Variants in SAMD12 observed in about 807,000 individuals in gnomAD.
SAMD12 encodes the protein sterile alpha motif domain-containing protein 12.
Under a neutral mutation model 15.0 loss-of-function variants are expected in SAMD12, and 9 were observed. The ratio of observed to expected loss-of-function variants is 0.60; its 90% CI spans 0.36 to 1.05. SAMD12 has a LOEUF of 1.05. Ranked by LOEUF, SAMD12 falls within the 50% of genes least tolerant of loss-of-function variation. The pLI, the probability that SAMD12 is intolerant of heterozygous loss-of-function variation, is 0.01. For missense variants in SAMD12, 230 were observed against 234.2 expected (o/e 0.98, Z 0.12); for synonymous variants, 86 against 90.1 (o/e 0.96, Z 0.25).
intron 4 of SAMD12, among the ~76,000 whole-genome samples, chr8:118,347,784 A>G (rs1817739975): frequency 6.6e-6 from 1 of 152,232 alleles, no homozygotes; most frequent in South Asian, 2.1e-4. Flanking sequence ...CAAACACACT[A>G]GTAATAATAA....
At chr8:118,165,840 G>GT in the SAMD12 span, among the ~76,000 whole-genome samples, 123 of 151,858 alleles carry the variant, frequency 8.1e-4, no homozygotes, top group African/African-American at 2.8e-3. Flanking sequence ...GTTGAGTCCA[G>GT]TTTTTCCCAA....
intron 4 of SAMD12, among the ~76,000 whole-genome samples, chr8:118,368,351 T>C (rs1294257355): frequency 2.0e-5 from 3 of 152,202 alleles, no homozygotes; most frequent in African/African-American, 7.2e-5. Context: ...CCTATTAGGT[T>C]ACTCATCCAA....
chr8:118,273,196 G>A (rs911642016), intron 4 of SAMD12, among the ~76,000 whole-genome samples: 2 of 152,144 alleles, frequency 1.3e-5, no homozygotes, highest in Admixed American at 1.3e-4. Context: ...GGGAAGCAAA[G>A]GGGAAGAAAA....
chr8:118,249,611 A>G (rs931110870), intron 4 of SAMD12, among the ~76,000 whole-genome samples: 1 of 152,146 alleles, frequency 6.6e-6, no homozygotes, highest in African/African-American at 2.4e-5. Context: ...TATATACCCT[A>G]TACAATAGTA....
intron 4 of SAMD12, among the ~76,000 whole-genome samples, chr8:118,340,150 T>C (rs531528873): frequency 6.6e-6 from 1 of 152,350 alleles, no homozygotes; most frequent in Non-Finnish European, 1.5e-5. Context: ...ACAGGCTGTA[T>C]TGCCATGGAA....
At chr8:118,512,104 A>G (rs1375833747) in intron 2 of SAMD12, among the ~76,000 whole-genome samples, 2 of 152,206 alleles carry the variant, frequency 1.3e-5, no homozygotes, top group Non-Finnish European at 2.9e-5. Flanking sequence ...TAGGATCTAT[A>G]TTGTTTTTGG....
intron 3 of SAMD12, among the ~76,000 whole-genome samples, chr8:118,416,693 G>A (rs536273390): frequency 1.1e-4 from 17 of 152,236 alleles, no homozygotes; most frequent in African/African-American, 4.1e-4. Context: ...TATAATCCCT[G>A]AACCCCACTT....
At chr8:118,535,413 G>A (rs938402913) in intron 2 of SAMD12, among the ~76,000 whole-genome samples, 13 of 152,356 alleles carry the variant, frequency 8.5e-5, no homozygotes, top group East Asian at 1.9e-4. Context: ...ACTTGAGGAC[G>A]CAGTCTGCCC....
At chr8:118,164,333 G>C in the SAMD12 span, among the ~76,000 whole-genome samples, 1 of 152,148 alleles carries the variant, frequency 6.6e-6, no homozygotes, top group African/African-American at 2.4e-5. Flanking sequence ...GGTCATACCA[G>C]GCAGTTTCTG....
intron 2 of SAMD12, among the ~76,000 whole-genome samples, chr8:118,487,967 C>A (rs183109483): frequency 6.6e-6 from 1 of 152,182 alleles, no homozygotes; most frequent in East Asian, 1.9e-4. Context: ...CCCACAACAG[C>A]GACATATTCA....
At position 118,379,415 on chromosome 8, in the gene SAMD12, T is replaced by C. The variant is rs970462804; in HGVS notation, c.*2A>G. 2.0e-5 allele frequency: 32 copies of C among 1,612,358 alleles called. No individual in the cohort carries two copies. Among genetic ancestry groups the C allele is most frequent in the Admixed American group, 3.3e-5 (2 of 59,840 alleles). ...GAAAAAAGTTTTCAAAGGGAAGTAA[T>C]CTTAAATCTGTATACTATTTTCTAT... On this transcript the variant is annotated 3_prime_UTR_variant, in exon 4 of 4. Coordinates refer to ENST00000314727, the MANE Select transcript of SAMD12 (RefSeq NM_207506.3).
At chr8:118,567,648 G>A (rs1826889415) in intron 2 of SAMD12, among the ~76,000 whole-genome samples, 1 of 152,192 alleles carries the variant, frequency 6.6e-6, no homozygotes, top group South Asian at 2.1e-4. Flanking sequence ...CTTCAGCCTT[G>A]GTTTTTGGCA....
chr8:118,271,276 T>C (rs1228521086), intron 4 of SAMD12, among the ~76,000 whole-genome samples: 1 of 152,056 alleles, frequency 6.6e-6, no homozygotes, highest in Non-Finnish European at 1.5e-5. Context: ...AGCAAAAGCC[T>C]CTTATAAAAC....
At chr8:118,177,149 G>T in the SAMD12 span, among the ~76,000 whole-genome samples, 3 of 152,114 alleles carry the variant, frequency 2.0e-5, no homozygotes, top group African/African-American at 7.2e-5. Flanking sequence ...AAGTTGGAGA[G>T]GCAGTTGGTA....
At chr8:118,283,317 T>A (rs1431133248) in intron 4 of SAMD12, among the ~76,000 whole-genome samples, 1 of 152,178 alleles carries the variant, frequency 6.6e-6, no homozygotes, top group Non-Finnish European at 1.5e-5. Context: ...ATGAATATGA[T>A]CTGAACCTCT....
chr8:118,360,576 A>G (rs1586598370), intron 4 of SAMD12, among the ~76,000 whole-genome samples: 1 of 152,228 alleles, frequency 6.6e-6, no homozygotes, highest in Admixed American at 6.5e-5. Flanking sequence ...ACAAAAAGGT[A>G]GAGTTGAAAG....
At chr8:118,572,871 C>T (rs1439646538) in intron 2 of SAMD12, among the ~76,000 whole-genome samples, 6 of 151,754 alleles carry the variant, frequency 4.0e-5, no homozygotes, top group South Asian at 2.1e-4. Context: ...ATAATCCCCA[C>T]GTGTTGTGGG....
At chr8:118,561,230 CTT>C (rs1826690938) in intron 2 of SAMD12, among the ~76,000 whole-genome samples, 1 of 152,068 alleles carries the variant, frequency 6.6e-6, no homozygotes, top group Non-Finnish European at 1.5e-5. Flanking sequence ...AAAATTGAAA[CTT>C]TTGATAATGT....
the SAMD12 span, among the ~76,000 whole-genome samples, chr8:118,136,250 G>A: frequency 8.5e-3 from 1,284 of 151,376 alleles, 17 homozygotes; most frequent in African/African-American, 0.03. Context: ...GGCTGGTCTC[G>A]AACTCCTGAC....
Sources: allele counts gnomAD v4.1 joint callset (sites outside exome capture counted in the v4.1 genomes callset), GRCh38; gene constraint gnomAD v4.1.1; transcripts MANE v1.5; gene names NCBI Gene and HGNC (gene_info 2026-07-23, HGNC 2026-07-21).